Variants in PEPD observed in about 807,000 individuals in gnomAD.
The protein encoded by PEPD is peptidase D.
PEPD carries 53 observed loss-of-function variants against 60.7 expected under a neutral mutation model. The ratio of observed to expected loss-of-function variants is 0.87; its 90% CI spans 0.70 to 1.10. The LOEUF (loss-of-function observed/expected upper bound fraction) is 1.10, where lower values mean the gene tolerates loss of function less well. PEPD is among the 50% of genes least tolerant of loss of function. The pLI is 0.00. For missense variants in PEPD, 711 were observed against 711.9 expected, an observed-to-expected ratio of 1.00 and a Z score of 0.01; for synonymous variants, 267 against 284.1, an observed-to-expected ratio of 0.94 and a Z score of 0.60.
intron 9 of PEPD, among the ~76,000 whole-genome samples, chr19:33,453,602 A>G (rs980340994): frequency 1.3e-5 from 2 of 152,202 alleles, no homozygotes; most frequent in Non-Finnish European, 1.5e-5. Flanking sequence ...ACATAATGTT[A>G]TTGCACTCTT....
At chr19:33,459,910 A>G (rs756084285) in intron 9 of PEPD, among the ~76,000 whole-genome samples, 7 of 152,126 alleles carry the variant, frequency 4.6e-5, no homozygotes, top group Non-Finnish European at 1.0e-4. Flanking sequence ...CCCCCAGCAG[A>G]AAGTCCAGCA....
chr19:33,446,858 C>A (rs555962611), intron 9 of PEPD, among the ~76,000 whole-genome samples: 1 of 152,360 alleles, frequency 6.6e-6, no homozygotes, highest in Non-Finnish European at 1.5e-5. Flanking sequence ...GTCTCCACAG[C>A]CATCAGCAGG....
chr19:33,498,230 G>A (rs1276535835), intron 4 of PEPD, among the ~76,000 whole-genome samples: 4 of 152,150 alleles, frequency 2.6e-5, no homozygotes, highest in Non-Finnish European at 4.4e-5. Flanking sequence ...AATGGCAGTG[G>A]CGTTGACGGG....
At chr19:33,414,734 A>G (rs1361316818) in intron 9 of PEPD, among the ~76,000 whole-genome samples, 1 of 152,238 alleles carries the variant, frequency 6.6e-6, no homozygotes, top group African/African-American at 2.4e-5. Flanking sequence ...CAAATTATGT[A>G]TAATTGTCAT....
intron 11 of PEPD, among the ~76,000 whole-genome samples, chr19:33,409,955 G>T (rs1378486648): frequency 6.6e-6 from 1 of 152,234 alleles, no homozygotes. Context: ...CAGTCACCTT[G>T]TGGCCCCAGG....
chr19:33,464,288 A>T (rs1441520724), intron 7 of PEPD, among the ~76,000 whole-genome samples: 12 of 152,212 alleles, frequency 7.9e-5, no homozygotes, highest in Admixed American at 7.9e-4. Flanking sequence ...CCCTAACACC[A>T]GCCAGCGGGC....
intron 9 of PEPD, among the ~76,000 whole-genome samples, chr19:33,440,678 A>G (rs1291365906): frequency 6.6e-6 from 1 of 151,512 alleles, no homozygotes; most frequent in Non-Finnish European, 1.5e-5. Flanking sequence ...CACTCCCAGG[A>G]CTCCCTCTAC....
At chr19:33,478,911 G>A (rs1046449462) in intron 6 of PEPD, among the ~76,000 whole-genome samples, 1 of 152,208 alleles carries the variant, frequency 6.6e-6, no homozygotes, top group African/African-American at 2.4e-5. Flanking sequence ...TAACCATACA[G>A]ATAAATATAA....
At chr19:33,442,565 C>T (rs559248575) in intron 9 of PEPD, among the ~76,000 whole-genome samples, 1,651 of 148,336 alleles carry the variant, frequency 0.011, 24 homozygotes, top group South Asian at 0.067. Flanking sequence ...AAAAATTAGC[C>T]GGGCGTGGTG....
rs1970089971 is a variant in PEPD at position 33,469,810 on chromosome 19, G to C, written c.549-5748C>G. 2.6e-5 allele frequency among the ~76,000 whole-genome samples: 4 copies of C among 152,078 alleles called. No homozygotes were observed. In the South Asian group the frequency reaches 8.3e-4, roughly 32 times the overall value. ...TGGGGGAGGAGGGAAAGCAGCTTTT[G>C]CGTTCTATTTTGAACTTCCTCCCCA... On this transcript the variant is annotated intron_variant, in intron 7 of 14. Transcript: ENST00000244137.
chr19:33,403,459 C>T (rs971851433), intron 11 of PEPD, among the ~76,000 whole-genome samples: 1 of 152,188 alleles, frequency 6.6e-6, no homozygotes, highest in African/African-American at 2.4e-5. Flanking sequence ...GGGGCACAGC[C>T]GCGGCTTCCG....
intron 3 of PEPD, 149 bp from the exon 4 acceptor site, chr19:33,501,150 G>C: frequency 4.2e-6 from 3 of 712,554 alleles, no homozygotes; most frequent in Non-Finnish European, 7.7e-6. Flanking sequence ...CACCGAACAG[G>C]TCGGCCCAAC....
intron 8 of PEPD, among the ~76,000 whole-genome samples, chr19:33,463,278 T>C (rs1183124709): frequency 6.6e-6 from 1 of 152,226 alleles, no homozygotes; most frequent in Non-Finnish European, 1.5e-5. Context: ...ATAAATGCCA[T>C]GCCTCAAGTT....
At chr19:33,417,598 G>A (rs966518060) in intron 9 of PEPD, among the ~76,000 whole-genome samples, 1 of 152,180 alleles carries the variant, frequency 6.6e-6, no homozygotes, top group African/African-American at 2.4e-5. Flanking sequence ...TCCCAGGGCT[G>A]CTATGCCAGT....
In PEPD at chr19:33,456,949, T is replaced by TG. The variant is rs1969812647; in HGVS notation, c.671+6045dup. On this transcript the variant is annotated intron_variant, in intron 9 of 14. Coordinates refer to ENST00000244137, the MANE Select transcript of PEPD (RefSeq NM_000285.4). ...AGTGACTTCCCTCTCCAGTGAAACC[T>TG]GCGTCCTCTGCATGCCCTGTGAGGG... Among the ~76,000 whole-genome samples, 2 of 151,484 alleles carry TG rather than the reference T, an allele frequency of 1.3e-5. 1 individual carries two copies. The highest frequency in any genetic ancestry group is 4.2e-4 in the South Asian group (2 of 4,728).
chr19:33,493,196 C>A, intron 5 of PEPD, 94 bp downstream of exon 5: 1 of 886,574 alleles, frequency 1.1e-6, no homozygotes, highest in African/African-American at 1.7e-5. Flanking sequence ...TTTTAATCCT[C>A]CCCTATGGGC....
At chr19:33,496,928 A>G (rs937914952) in intron 4 of PEPD, among the ~76,000 whole-genome samples, 14 of 152,272 alleles carry the variant, frequency 9.2e-5, no homozygotes, top group African/African-American at 2.9e-4. Flanking sequence ...TGGACAAAAA[A>G]GCTGGATATG....
intron 12 of PEPD, among the ~76,000 whole-genome samples, chr19:33,391,726 G>A (rs1299722248): frequency 3.3e-5 from 5 of 152,270 alleles, no homozygotes; most frequent in Non-Finnish European, 5.9e-5. Flanking sequence ...TGCCTCTAGG[G>A]GCAGGTTCCT....
intron 9 of PEPD, among the ~76,000 whole-genome samples, chr19:33,440,916 T>A (rs906242482): frequency 6.6e-6 from 1 of 152,120 alleles, no homozygotes; most frequent in Non-Finnish European, 1.5e-5. Context: ...ACCAGCCAGG[T>A]GACAGGGCAG....
Sources: allele counts gnomAD v4.1 joint callset (sites outside exome capture counted in the v4.1 genomes callset), GRCh38; gene constraint gnomAD v4.1.1; transcripts MANE v1.5; gene names NCBI Gene and HGNC (gene_info 2026-07-23, HGNC 2026-07-21).